The following PTPRN2 variants were observed in gnomAD, a reference collection of about 807,000 sequenced individuals.
PTPRN2 encodes the protein protein tyrosine phosphatase receptor type N2.
In PTPRN2, 74 loss-of-function variants were observed where a neutral mutation model predicts 118.8. The ratio of observed to expected loss-of-function variants is 0.62; its 90% confidence interval spans 0.52 to 0.76. The LOEUF (loss-of-function observed/expected upper bound fraction) is 0.76, where lower values mean the gene tolerates loss of function less well. Among genes scored for constraint, PTPRN2 ranks in the 30% least tolerant of loss-of-function variants. PTPRN2 has a pLI of 0.00. For missense variants in PTPRN2, 1,481 were observed against 1,394.4 expected, an observed-to-expected ratio of 1.06 and a Z score of -0.99; for synonymous variants, 641 against 608.0, an observed-to-expected ratio of 1.05 and a Z score of -0.80.
intron 12 of PTPRN2, among the ~76,000 whole-genome samples, chr7:157,876,148 C>T (rs1260540240): frequency 3.9e-5 from 6 of 152,258 alleles, no homozygotes; most frequent in African/African-American, 1.4e-4. Context: ...CCTCCCTCCT[C>T]TCCACGAGAC....
chr7:158,330,958 G>A (rs1233751372), intron 2 of PTPRN2, among the ~76,000 whole-genome samples: 1 of 111,028 alleles, frequency 9.0e-6, no homozygotes. Flanking sequence ...GCTGTCACAC[G>A]CAGACGACAC....
chr7:157,775,938 G>C (rs10247078), intron 12 of PTPRN2, among the ~76,000 whole-genome samples: 6,431 of 152,076 alleles, frequency 0.042, 428 homozygotes, highest in African/African-American at 0.15. Flanking sequence ...GGAGACCGCC[G>C]CAAAATGCAG....
intron 4 of PTPRN2, among the ~76,000 whole-genome samples, chr7:158,200,724 G>A (rs2150732550): frequency 6.6e-6 from 1 of 152,170 alleles, no homozygotes; most frequent in Admixed American, 6.5e-5. Context: ...CTAAAATGCA[G>A]TAGAATTAGA....
chr7:157,794,122 G>A lies in PTPRN2; in HGVS notation c.1788+104551C>T, dbSNP rs114530338. ...CGCCCCTCATTCTCTGCTCTGACCC[G>A]GGCTCGCACCTCCCCTCGTTCTCTG... On this transcript the variant is annotated intron_variant, in intron 12 of 22. Coordinates refer to ENST00000389418, the MANE Select transcript of PTPRN2 (RefSeq NM_002847.5). This position sits in a 1 kb window ranked among gnomAD's most constrained non-coding sequence, Gnocchi z 5.2. Among the ~76,000 whole-genome samples the A allele has an allele frequency of 0.024, 3,549 of 150,538 alleles. 154 individuals are homozygous for A. The highest frequency in any genetic ancestry group is 0.078 in the African/African-American group (3,222 of 41,110).
At chr7:157,542,561 G>A (rs529311550) in intron 22 of PTPRN2, among the ~76,000 whole-genome samples, 6 of 152,044 alleles carry the variant, frequency 3.9e-5, no homozygotes, top group African/African-American at 7.3e-5. Flanking sequence ...AGCCACTTGC[G>A]GCATCCAACA....
At chr7:158,581,360 G>T (rs976027502) in intron 1 of PTPRN2, among the ~76,000 whole-genome samples, 9 of 152,196 alleles carry the variant, frequency 5.9e-5, no homozygotes, top group African/African-American at 1.9e-4. Context: ...AGGGGTTCAA[G>T]ATTTGGGGGT....
intron 12 of PTPRN2, among the ~76,000 whole-genome samples, chr7:157,709,189 C>G (rs1291535911): frequency 6.6e-6 from 1 of 152,216 alleles, no homozygotes. Context: ...CAGGTGGTCA[C>G]ACAGAGCGGC....
chr7:157,655,316 C>G (rs191797502), intron 14 of PTPRN2, among the ~76,000 whole-genome samples: 1 of 152,200 alleles, frequency 6.6e-6, no homozygotes, highest in African/African-American at 2.4e-5. Context: ...TGTTTCCCAC[C>G]AGACGTCAGC....
At chr7:158,315,058 G>A (rs1802194724) in intron 3 of PTPRN2, among the ~76,000 whole-genome samples, 3 of 115,258 alleles carry the variant, frequency 2.6e-5, no homozygotes, top group Admixed American at 2.5e-4. Flanking sequence ...GTGAACCCGG[G>A]ACGCCCTCAA....
chr7:157,688,837 T>C (rs989845227), intron 12 of PTPRN2, among the ~76,000 whole-genome samples: 2 of 151,868 alleles, frequency 1.3e-5, no homozygotes, highest in Non-Finnish European at 2.9e-5. Context: ...TCTCCCCCGC[T>C]TCCCCGTCCC....
At chr7:157,951,330 CA>C (rs1800796332) in intron 11 of PTPRN2, among the ~76,000 whole-genome samples, 1 of 152,192 alleles carries the variant, frequency 6.6e-6, no homozygotes, top group African/African-American at 2.4e-5. Context: ...ACACTCACAA[CA>C]ATTAACATAT....
intron 12 of PTPRN2, among the ~76,000 whole-genome samples, chr7:157,733,847 C>T (rs1460802548): frequency 2.1e-5 from 1 of 48,280 alleles, no homozygotes. Context: ...GTTACTCTTC[C>T]GTCCCATGCG....
chr7:157,566,454 G>A (rs1233499844), intron 21 of PTPRN2, among the ~76,000 whole-genome samples: 1 of 152,234 alleles, frequency 6.6e-6, no homozygotes, highest in Non-Finnish European at 1.5e-5. Flanking sequence ...CCTGGGAAAG[G>A]CCCACCTCAG....
At chr7:158,239,541 G>A (rs1005193853) in intron 3 of PTPRN2, among the ~76,000 whole-genome samples, 5 of 152,310 alleles carry the variant, frequency 3.3e-5, no homozygotes, top group Middle Eastern at 3.4e-3. Context: ...CACAGCAGCA[G>A]GACCAATGGG....
chr7:158,069,150 C>T (rs1200179523), intron 11 of PTPRN2, among the ~76,000 whole-genome samples: 1 of 152,164 alleles, frequency 6.6e-6, no homozygotes, highest in Non-Finnish European at 1.5e-5. Context: ...TAGTGCCTGA[C>T]ACGGTGGGTC....
intron 2 of PTPRN2, among the ~76,000 whole-genome samples, chr7:158,475,529 C>T (rs1008992260): frequency 6.6e-6 from 1 of 152,122 alleles, no homozygotes; most frequent in Non-Finnish European, 1.5e-5. Flanking sequence ...AGCAGAGGAA[C>T]CCCCAGCAAA....
In PTPRN2 at chr7:157,903,017, A is replaced by T. The variant is rs1176016009; in HGVS notation, c.1724-4280T>A. On this transcript the variant is annotated intron_variant, in intron 11 of 22. Transcript: ENST00000389418. This position sits in a 1 kb window ranked among gnomAD's most constrained non-coding sequence, Gnocchi z 4.2. ...CAACAAATACATCCACGTTGCTGCA[A>T]AGGACACAATTTGGGGCCACCATCC... is the stretch of plus-strand genomic sequence containing the variant. Among the ~76,000 whole-genome samples, 1 of 152,158 alleles carries T rather than the reference A, an allele frequency of 6.6e-6. No individual in the cohort carries two copies. The highest frequency in any genetic ancestry group is 1.5e-5 in the Non-Finnish European group (1 of 68,034).
At chr7:158,222,391 G>A (rs1017309078) in intron 3 of PTPRN2, among the ~76,000 whole-genome samples, 1 of 152,146 alleles carries the variant, frequency 6.6e-6, no homozygotes, top group Non-Finnish European at 1.5e-5. Flanking sequence ...ATACTACACA[G>A]CCATAAAAAT....
chr7:157,608,876 G>A (rs1216485952), intron 15 of PTPRN2, among the ~76,000 whole-genome samples: 1 of 152,246 alleles, frequency 6.6e-6, no homozygotes, highest in Non-Finnish European at 1.5e-5. Context: ...ATTCATAACA[G>A]CCTGGGGCTC....
Sources: gnomAD v4.1 joint callset for allele counts (sites outside exome capture counted in the v4.1 genomes callset) on GRCh38, gnomAD v4.1.1 for gene constraint, Gnocchi (gnomAD v3.1) non-coding constraint, MANE v1.5 for transcripts, NCBI Gene and HGNC (gene_info 2026-07-23, HGNC 2026-07-21) for gene names.